PIEZO1: variants seen among roughly 807,000 people sequenced by gnomAD.
PIEZO1 encodes the protein piezo type mechanosensitive ion channel component 1 (Er blood group).
PIEZO1 carries 296 observed loss-of-function variants against 297.2 expected under a neutral mutation model. The ratio of observed to expected loss-of-function variants is 1.00; its 90% CI spans 0.91 to 1.10. PIEZO1 has a LOEUF of 1.10. Ranked by LOEUF, PIEZO1 falls within the 50% of genes least tolerant of loss-of-function variation. The pLI is 0.00. For missense variants in PIEZO1, 5,018 were observed against 3,455.5 expected, an observed-to-expected ratio of 1.45 and a Z score of -11.34; for synonymous variants, 2,427 against 1,507.5, an observed-to-expected ratio of 1.61 and a Z score of -14.13.
At chr16:88,767,778 G>A (rs532577024) in intron 1 of PIEZO1, among the ~76,000 whole-genome samples, 93 of 152,212 alleles carry the variant, frequency 6.1e-4, no homozygotes, top group Non-Finnish European at 1.1e-3. Flanking sequence ...CTGCCTCAGG[G>A]TGACCCCACC....
Position 88,721,433 on chromosome 16 carries a change from G to A in PIEZO1, c.5404-3C>T. ...TCATGGTCCCAGAGGCCATAGCACTGAGGGGCGGGAGGGTGTGGTGAGGGG... is the reference window on the plus strand; with the variant it reads ...TCATGGTCCCAGAGGCCATAGCACTAAGGGGCGGGAGGGTGTGGTGAGGGG... On this transcript the variant is annotated splice_polypyrimidine_tract_variant and splice_region_variant and intron_variant, in intron 38 of 50. Transcript: ENST00000301015. 4 of 1,544,244 alleles carry A rather than the reference G, an allele frequency of 2.6e-6. No homozygotes were observed. Among genetic ancestry groups the A allele is most frequent in the South Asian group, 1.2e-5 (1 of 83,852 alleles).
intron 24 of PIEZO1, 29 bp downstream of exon 24, chr16:88,727,010 T>C (rs893569082): frequency 1.9e-6 from 3 of 1,548,570 alleles, no homozygotes; most frequent in East Asian, 2.4e-5. Flanking sequence ...TCCCAGAAGG[T>C]TCCCCGTGGA....
rs1360676505 is a variant in PIEZO1 at position 88,726,814 on chromosome 16, G to A, written c.3600C>T (p.Gly1200=). Residue 1200 remains glycine (G), a synonymous_variant, in exon 25 of 51, where the codon GGC becomes GGT. Transcript: ENST00000301015. ...LLACFYLLLF[G]TALLQRDTRA... ...GTGTGTCCCTCTGCAGCAGGGCCGT[G>A]CCGAAGAGCAGCAGGTAGAAGCAGG... 15 of 1,550,216 alleles carry A rather than the reference G, an allele frequency of 9.7e-6. No individual in the cohort carries two copies. The highest frequency in any genetic ancestry group is 5.9e-5 in the Admixed American group (3 of 50,988).
chr16:88,723,178 T>G (rs1321841555), intron 32 of PIEZO1, 27 bp from the exon 33 acceptor site: 2 of 1,549,418 alleles, frequency 1.3e-6, no homozygotes, highest in Non-Finnish European at 1.7e-6. Flanking sequence ...GGTGAGTGAC[T>G]GGCAGTCCCG....
intron 1 of PIEZO1, among the ~76,000 whole-genome samples, chr16:88,754,827 G>A (rs751131361): frequency 6.6e-6 from 1 of 152,216 alleles, no homozygotes; most frequent in Non-Finnish European, 1.5e-5. Context: ...TGGGTGACCC[G>A]GGACCCACAG....
At chr16:88,735,588 CAT>C (rs1905157305) in intron 12 of PIEZO1, among the ~76,000 whole-genome samples, 1 of 152,286 alleles carries the variant, frequency 6.6e-6, no homozygotes. Flanking sequence ...TGCGTGCTCA[CAT>C]ATGCACACAA....
Position 88,726,526 on chromosome 16 carries a change from G to C in PIEZO1, c.3796+21C>G, listed in dbSNP as rs761028404. 15 of 1,546,262 alleles carry C rather than the reference G, an allele frequency of 9.7e-6. No homozygotes were observed. Among genetic ancestry groups the C allele is most frequent in the Admixed American group, 3.9e-5 (2 of 50,914 alleles). On this transcript the variant is annotated intron_variant, in intron 26 of 50. Transcript: ENST00000301015. Reference sequence around the variant, plus strand: ...AGGGGGCTTCCCCACGCCCTCCCCCGCCACCGTCCTGGCCACTCACGGTCA... The same window carrying C: ...AGGGGGCTTCCCCACGCCCTCCCCCCCCACCGTCCTGGCCACTCACGGTCA...
At chr16:88,754,717 C>T (rs1906567852) in intron 1 of PIEZO1, among the ~76,000 whole-genome samples, 1 of 152,226 alleles carries the variant, frequency 6.6e-6, no homozygotes, top group Non-Finnish European at 1.5e-5. Flanking sequence ...CTCCGTGAAA[C>T]AGCCGGTGCG....
At chr16:88,742,893 C>T (rs1355896167) in intron 2 of PIEZO1, 2 of 370,956 alleles carry the variant, frequency 5.4e-6, no homozygotes, top group Admixed American at 6.4e-5. Flanking sequence ...CATGATGGCT[C>T]TGGAGAAAAG....
At chr16:88,750,855 C>G (rs1597472991) in intron 1 of PIEZO1, among the ~76,000 whole-genome samples, 1 of 151,154 alleles carries the variant, frequency 6.6e-6, no homozygotes, top group Non-Finnish European at 1.5e-5. Flanking sequence ...CCACTATCCA[C>G]CCACCCTCCA....
Position 88,726,609 on chromosome 16 carries a change from G to C in PIEZO1, c.3734C>G (p.Thr1245Ser). ...LACVFVEQMQ[T>S]GFCWVIQLFS... ...GAGCTGGATGACCCAGCAGAAGCCG[G>C]TCTGCATCTGCTCCACGAAGACGCA... is the stretch of plus-strand genomic sequence containing the variant. Residue 1245 changes from threonine (T) to serine (S), a missense_variant, in exon 26 of 51, where the codon ACC (threonine) becomes AGC (serine). Transcript: ENST00000301015. The C allele has an allele frequency of 6.5e-7, 1 of 1,548,946 alleles. No homozygotes were observed. Among genetic ancestry groups the C allele is most frequent in the African/African-American group, 1.4e-5 (1 of 73,048 alleles).
At position 88,721,232 on chromosome 16, in the gene PIEZO1, G is replaced by A. The variant is rs755738951; in HGVS notation, c.5602C>T (p.Arg1868Cys). 1.4e-4 allele frequency: 217 copies of A among 1,539,860 alleles called. No individual in the cohort carries two copies. The highest frequency in any genetic ancestry group is 2.2e-4 in the East Asian group (9 of 40,892). The change falls in exon 39 of 51, where the codon CGC becomes TGC. Residue 1868 changes from arginine to cysteine, a missense_variant. Coordinates refer to ENST00000301015, the MANE Select transcript of PIEZO1 (RefSeq NM_001142864.4). ...QVELRPRDTRRISLRFRRRKK... is the reference protein window; with the variant it reads ...QVELRPRDTRCISLRFRRRKK... ...CTTCTTCTAAAACGTAGACTGATGC[G>A]CCTCGTATCACGGGGCCTGAGCTCC...
At position 88,715,425 on chromosome 16, in the gene PIEZO1, C is replaced by T. The variant is rs1911917686; in HGVS notation, c.*180G>A. On this transcript the variant is annotated 3_prime_UTR_variant, in exon 51 of 51. Transcript: ENST00000301015. Reference sequence around the variant, plus strand: ...GTGGGGGACGGCAGCGCCACGCAGGCCGTGGGGACGCAGTGTCCTTCTCTG... The same window carrying T: ...GTGGGGGACGGCAGCGCCACGCAGGTCGTGGGGACGCAGTGTCCTTCTCTG... 7 of 924,502 alleles carry T rather than the reference C, an allele frequency of 7.6e-6. No homozygotes were observed. The highest frequency in any genetic ancestry group is 9.6e-6 in the Non-Finnish European group (6 of 624,882). The allele number at this position is 924,502 out of a possible 1,614,324, so 57.3% of individuals were successfully genotyped here. A position where few individuals can be genotyped will look rare whatever the true frequency, so the allele number is the denominator to read the frequency against.
intron 40 of PIEZO1, 30 bp downstream of exon 40, chr16:88,720,586 C>G (rs888036627): frequency 1.3e-6 from 2 of 1,537,714 alleles, no homozygotes; most frequent in Non-Finnish European, 1.8e-6. Flanking sequence ...CACCCCCACT[C>G]CCCAGCTGCC....
intron 22 of PIEZO1, 61 bp downstream of exon 22, chr16:88,731,645 A>G: frequency 7.4e-7 from 1 of 1,347,946 alleles, no homozygotes. Flanking sequence ...GGCGGGAAAC[A>G]CCCCCACGGG....
At chr16:88,733,115 C>G in intron 19 of PIEZO1, 163 bp downstream of exon 19, 2 of 661,538 alleles carry the variant, frequency 3.0e-6, no homozygotes, top group Non-Finnish European at 2.6e-6. Flanking sequence ...CAGTTGAGGT[C>G]GAAGGATGCT....
intron 1 of PIEZO1, among the ~76,000 whole-genome samples, chr16:88,763,765 G>A (rs1300665189): frequency 2.6e-5 from 4 of 152,176 alleles, no homozygotes; most frequent in Non-Finnish European, 5.9e-5. Context: ...GTTAAGGTCT[G>A]GGTAAACAAG....
chr16:88,737,151 G>A (rs749826550), intron 10 of PIEZO1: 48 of 251,330 alleles, frequency 1.9e-4, no homozygotes, highest in Non-Finnish European at 2.7e-4. Context: ...AAGGCGACGT[G>A]GCCAACACAG....
At chr16:88,735,327 A>G in intron 12 of PIEZO1, 81 bp from the exon 13 acceptor site, 2 of 981,316 alleles carry the variant, frequency 2.0e-6, no homozygotes, top group South Asian at 2.8e-5. Context: ...ACCCTCCTAT[A>G]GCAGGGGGCA....
Sources: allele counts gnomAD v4.1 joint callset (sites outside exome capture counted in the v4.1 genomes callset), GRCh38; gene constraint gnomAD v4.1.1; transcripts MANE v1.5; gene names NCBI Gene and HGNC (gene_info 2026-07-23, HGNC 2026-07-21).